DIPK2A: variants seen among roughly 807,000 people sequenced by gnomAD.
DIPK2A encodes divergent protein kinase domain 2A.
In DIPK2A, 27 loss-of-function variants were observed where a neutral mutation model predicts 39.0. That is an observed-to-expected ratio of 0.69 (90% CI 0.51 to 0.96). The LOEUF (loss-of-function observed/expected upper bound fraction) is 0.96. DIPK2A is among the 40% of genes least tolerant of loss of function. The probability of loss-of-function intolerance (pLI) is 0.00; values close to 1 mark genes in which losing one functional copy is unlikely to be tolerated. For synonymous variants in DIPK2A, 298 were observed against 240.8 expected (o/e 1.24, Z -2.20); for missense variants, 528 against 571.3 (o/e 0.92, Z 0.77).
chr3:143,984,758 A>G (rs2087875189), intron 1 of DIPK2A, among the ~76,000 whole-genome samples: 2 of 152,124 alleles, frequency 1.3e-5, no homozygotes, highest in African/African-American at 4.8e-5. Context: ...CTAAGATAAG[A>G]GTAATTTTGA....
In DIPK2A at chr3:143,990,434, T is replaced by G. The variant is rs551084063; in HGVS notation, c.*593T>G. 6.6e-6 allele frequency: 1 copy of G among 152,162 alleles called. No homozygotes were observed. Among genetic ancestry groups the G allele is most frequent in the South Asian group, 2.1e-4 (1 of 4,828 alleles). 9.4% of individuals were successfully genotyped at this position (152,162 alleles called of 1,614,324 possible). On this transcript the variant is annotated 3_prime_UTR_variant, in exon 3 of 3. Transcript: ENST00000315691. ...ATTCCCAGGTTTACTGTGTTTTTTT[T>G]TTTTTTTTTTAAAGAAAGCTAAATA...
At chr3:143,982,199 A>G (rs1322141526) in intron 1 of DIPK2A, among the ~76,000 whole-genome samples, 1 of 152,220 alleles carries the variant, frequency 6.6e-6, no homozygotes, top group African/African-American at 2.4e-5. Context: ...ATTATGAATT[A>G]GAAATTACTA....
chr3:143,985,797 T>C lies in DIPK2A; in HGVS notation c.912T>C (p.Ile304=). 1 of 1,613,906 alleles carries C rather than the reference T, an allele frequency of 6.2e-7. No homozygotes were observed. The highest frequency in any genetic ancestry group is 8.5e-7 in the Non-Finnish European group (1 of 1,179,868). The part of the protein sequence containing the change: ...AVGPRDGKVI[I]VDAENVLVAD... ...GTCCTAGAGATGGGAAGGTAATCAT[T>C]GTGGATGCTGAAAATGTTTTGGTTG... Residue 304 remains isoleucine, a synonymous_variant, in exon 2 of 3, where the codon ATT becomes ATC. Coordinates refer to ENST00000315691, the MANE Select transcript of DIPK2A (RefSeq NM_173552.5).
intron 2 of DIPK2A, chr3:143,986,086 G>A (rs180823501): frequency 8.5e-6 from 4 of 472,736 alleles, no homozygotes; most frequent in African/African-American, 3.9e-5. Context: ...TCTAACCTAC[G>A]GGACATCATA....
chr3:143,980,529 A>T (rs181834266), intron 1 of DIPK2A, among the ~76,000 whole-genome samples: 1 of 152,250 alleles, frequency 6.6e-6, no homozygotes, highest in Admixed American at 6.5e-5. Context: ...GGCCTCCCAA[A>T]GTGCTGGGAT....
At position 143,972,714 on chromosome 3, in the gene DIPK2A, C is replaced by T. The variant is rs901137628; in HGVS notation, c.382C>T (p.Arg128Trp). The T allele has an allele frequency of 6.9e-6, 11 of 1,598,462 alleles. No individual in the cohort carries two copies. The highest frequency in any genetic ancestry group is 9.4e-6 in the Non-Finnish European group (11 of 1,174,302). The part of the protein sequence containing the change: ...LAQLDQSICK[R>W]ATGRPRCDLL... ...GCAGCTCGACCAGAGCATCTGCAAG[C>T]GGGCCACCGGCCGGCCCCGCTGCGA... Residue 128 changes from arginine (R) to tryptophan (W), a missense_variant, in exon 1 of 3, where the codon CGG becomes TGG. Arg to Trp is a moderately radical substitution (Grantham distance 101). Transcript: ENST00000315691.
chr3:143,976,352 T>G (rs2087728160), intron 1 of DIPK2A, among the ~76,000 whole-genome samples: 2 of 151,840 alleles, frequency 1.3e-5, no homozygotes, highest in Admixed American at 1.3e-4. Flanking sequence ...CCAGGTATAC[T>G]GTAATCCTAT....
At position 143,972,513 on chromosome 3, in the gene DIPK2A, A is replaced by T. The variant is rs759544154; in HGVS notation, c.181A>T (p.Thr61Ser). The change falls in exon 1 of 3, where the codon ACG becomes TCG. Residue 61 changes from threonine to serine, a missense_variant. Physicochemically the swap from Thr to Ser is moderately conservative, Grantham distance 58. Coordinates refer to ENST00000315691, the MANE Select transcript of DIPK2A (RefSeq NM_173552.5). ...CAATAAGTGCCCGGCGTGCTTCGGC[A>T]CGAGCTGGTGCCGCCGCTTCCTCAA... is the stretch of plus-strand genomic sequence containing the variant. ...QLNKCPACFG[T>S]SWCRRFLNGQ... 2 of 1,611,216 alleles carry T rather than the reference A, an allele frequency of 1.2e-6. No homozygotes were observed. The highest frequency in any genetic ancestry group is 1.1e-5 in the South Asian group (1 of 90,936).
chr3:143,985,738 C>T lies in DIPK2A; in HGVS notation c.853C>T (p.Leu285Phe). Reference sequence around the variant, plus strand: ...CAATGACTTTGAATTTGCACTCTACCTCCTGGACGTCAGCTTTGACAATTT... The same window carrying T: ...CAATGACTTTGAATTTGCACTCTACTTCCTGGACGTCAGCTTTGACAATTT... ...TNNDFEFALYLLDVSFDNFAV... is the reference protein window; with the variant it reads ...TNNDFEFALYFLDVSFDNFAV... The change falls in exon 2 of 3, where the codon CTC (leucine) becomes TTC (phenylalanine). Residue 285 changes from leucine (L) to phenylalanine (F), a missense_variant. Transcript: ENST00000315691. 2 of 1,614,078 alleles carry T rather than the reference C, an allele frequency of 1.2e-6. No homozygotes were observed. Among genetic ancestry groups the T allele is most frequent in the Non-Finnish European group, 1.7e-6 (2 of 1,179,964 alleles).
chr3:143,986,722 C>CAAAAAAAAAAA (rs11293429), intron 2 of DIPK2A, among the ~76,000 whole-genome samples: 1 of 67,054 alleles, frequency 1.5e-5, no homozygotes, highest in Non-Finnish European at 3.8e-5. Flanking sequence ...GACTCCGTCT[C>CAAAAAAAAAAA]AAAAAAAAAA....
intron 1 of DIPK2A, among the ~76,000 whole-genome samples, chr3:143,980,181 T>C (rs1437897213): frequency 6.6e-6 from 1 of 152,236 alleles, no homozygotes; most frequent in Non-Finnish European, 1.5e-5. Flanking sequence ...TGTTATAACA[T>C]GCGTTACTAC....
chr3:143,978,622 CTATA>C (rs60796376), intron 1 of DIPK2A: 18 of 121,648 alleles, frequency 1.5e-4, no homozygotes, highest in East Asian at 9.1e-4. Context: ...ATATCTATAT[CTATA>C]TATATATATA....
At chr3:143,986,685 A>T (rs965868762) in intron 2 of DIPK2A, among the ~76,000 whole-genome samples, 1 of 150,124 alleles carries the variant, frequency 6.7e-6, no homozygotes, top group African/African-American at 2.5e-5. Context: ...AGATTGCGCC[A>T]CTGCACTCCA....
chr3:143,982,049 AAAC>A (rs2087835230), intron 1 of DIPK2A, among the ~76,000 whole-genome samples: 1 of 152,244 alleles, frequency 6.6e-6, no homozygotes, highest in African/African-American at 2.4e-5. Flanking sequence ...CAGTAATAAA[AAAC>A]AAGTTAAAAT....
At chr3:143,977,880 C>T (rs1324833573) in intron 1 of DIPK2A, among the ~76,000 whole-genome samples, 1 of 152,058 alleles carries the variant, frequency 6.6e-6, no homozygotes, top group African/African-American at 2.4e-5. Context: ...GACAATCGCC[C>T]TTAAGAAAGC....
chr3:143,986,722 CAAA>C (rs11293429), intron 2 of DIPK2A, among the ~76,000 whole-genome samples: 3 of 67,056 alleles, frequency 4.5e-5, no homozygotes, highest in East Asian at 5.1e-4. Context: ...GACTCCGTCT[CAAA>C]AAAAAAAAAA....
In DIPK2A at chr3:143,971,919, G is replaced by A. The variant is rs2087649906; in HGVS notation, c.-414G>A. 5.5e-6 allele frequency: 1 copy of A among 181,286 alleles called. No individual in the cohort carries two copies. Among genetic ancestry groups the A allele is most frequent in the South Asian group, 2.0e-4 (1 of 5,124 alleles). 11.2% of individuals were successfully genotyped at this position (181,286 alleles called of 1,614,324 possible). ...CCTTCCGTGAGTCCCTCCTTTCCTC[G>A]CAGACCCCACTTGTCGTGGCTGGCT... On this transcript the variant is annotated 5_prime_UTR_variant, in exon 1 of 3. Coordinates refer to ENST00000315691, the MANE Select transcript of DIPK2A (RefSeq NM_173552.5).
chr3:143,973,663 C>T lies in DIPK2A; in HGVS notation c.657+674C>T, dbSNP rs183034819. 1.7e-4 allele frequency: 146 copies of T among 837,742 alleles called. 1 individual carries two copies. The East Asian group carries it at 3.8e-3, about 22-fold the overall frequency. The allele number at this position is 837,742 out of a possible 1,614,324, so 51.9% of individuals were successfully genotyped here. ...GGGGCTGGGAGGGCTTAAGGCCAGA[C>T]AGACGTTTTCATCCTGATCCTGTGA... On this transcript the variant is annotated intron_variant, in intron 1 of 2. Transcript: ENST00000315691.
intron 1 of DIPK2A, 27 bp downstream of exon 1, chr3:143,973,016 G>A (rs1369894696): frequency 1.3e-6 from 2 of 1,554,638 alleles, no homozygotes; most frequent in South Asian, 1.2e-5. Context: ...GGCAGGGGGC[G>A]TCCTGGGAGG....
Sources: allele counts gnomAD v4.1 joint callset (sites outside exome capture counted in the v4.1 genomes callset), GRCh38; gene constraint gnomAD v4.1.1; transcripts MANE v1.5; gene names NCBI Gene and HGNC (gene_info 2026-07-23, HGNC 2026-07-21).